Variants in LRRC41 observed in about 807,000 individuals in gnomAD.
LRRC41 encodes the protein leucine rich repeat containing 41.
Under a neutral mutation model 72.1 loss-of-function variants are expected in LRRC41, and 17 were observed. The observed-to-expected ratio is 0.24, with a 90% CI of 0.16 to 0.35. The LOEUF (loss-of-function observed/expected upper bound fraction) is 0.35, where lower values mean the gene tolerates loss of function less well. Ranked by LOEUF, LRRC41 falls within the 10% of genes least tolerant of loss-of-function variation. The pLI is 1.00. For synonymous variants in LRRC41, 427 were observed against 431.0 expected (o/e 0.99, Z 0.11); for missense variants, 759 against 1,065.0 (o/e 0.71, Z 4.00).
At position 46,278,916 on chromosome 1, in the gene LRRC41, G is replaced by A. The variant is rs1264124479; in HGVS notation, c.2388C>T (p.Ser796=). 19 of 1,613,292 alleles carry A rather than the reference G, an allele frequency of 1.2e-5. No homozygotes were observed. Among genetic ancestry groups the A allele is most frequent in the Non-Finnish European group, 1.3e-5 (15 of 1,179,946 alleles). Residue 796 remains serine (S), a synonymous_variant, in exon 10 of 10, where the codon AGC becomes AGT. Coordinates refer to ENST00000617190, the MANE Select transcript of LRRC41 (RefSeq NM_006369.5). ...RRLRATCHVV[S]DSWDSSQAFA... ...AGGCCTGGGATGAGTCCCATGAGTCGCTAACCACATGGCAGGTAGCCCGGA... is the reference window on the plus strand; with the variant it reads ...AGGCCTGGGATGAGTCCCATGAGTCACTAACCACATGGCAGGTAGCCCGGA...
intron 1 of LRRC41, 99 bp from the exon 2 acceptor site, chr1:46,298,469 G>T: frequency 1.5e-6 from 1 of 671,596 alleles, no homozygotes; most frequent in African/African-American, 1.8e-5. Context: ...AAAATGGAAG[G>T]GTAGACTTCT....
intron 3 of LRRC41, among the ~76,000 whole-genome samples, chr1:46,292,004 G>A (rs1042320570): frequency 5.3e-5 from 8 of 151,562 alleles, no homozygotes; most frequent in African/African-American, 1.2e-4. Context: ...ATGCCAACAC[G>A]CCCAGCTAAT....
intron 5 of LRRC41, 21 bp from the exon 6 acceptor site, chr1:46,280,581 A>T (rs1386394610): frequency 6.2e-7 from 1 of 1,610,796 alleles, no homozygotes; most frequent in South Asian, 1.1e-5. Context: ...TGGGGAAAGA[A>T]GATTCCAGCT....
At chr1:46,301,538 G>C (rs946973662) in intron 1 of LRRC41, among the ~76,000 whole-genome samples, 1 of 151,646 alleles carries the variant, frequency 6.6e-6, no homozygotes, top group Non-Finnish European at 1.5e-5. Context: ...CCACCACTAT[G>C]CAGGACACTC....
At position 46,278,372 on chromosome 1, in the gene LRRC41, T is replaced by C. The variant is rs2148309564; in HGVS notation, c.*493A>G. Reference sequence around the variant, plus strand: ...CAGGGCCCTGTTGAATTTTGTTCTCTGGGAGAAAATCATCAAGAAGGGCTG... The same window carrying C: ...CAGGGCCCTGTTGAATTTTGTTCTCCGGGAGAAAATCATCAAGAAGGGCTG... On this transcript the variant is annotated 3_prime_UTR_variant, in exon 10 of 10. Transcript: ENST00000617190. 2 of 1,396,658 alleles carry C rather than the reference T, an allele frequency of 1.4e-6. No homozygotes were observed. The highest frequency in any genetic ancestry group is 2.0e-6 in the Non-Finnish European group (2 of 1,009,046). 86.5% of individuals were successfully genotyped at this position (1,396,658 alleles called of 1,614,324 possible).
At chr1:46,294,578 TTTTA>T (rs1359151101) in intron 3 of LRRC41, among the ~76,000 whole-genome samples, 70 of 151,210 alleles carry the variant, frequency 4.6e-4, no homozygotes, top group Admixed American at 1.2e-3. Flanking sequence ...TGCCTTTACT[TTTTA>T]CAACTAATTC....
At chr1:46,295,190 T>C (rs752878766) in intron 3 of LRRC41, among the ~76,000 whole-genome samples, 1 of 151,946 alleles carries the variant, frequency 6.6e-6, no homozygotes, top group African/African-American at 2.4e-5. Flanking sequence ...CTCCCGAGTA[T>C]CTGGGACTAC....
chr1:46,297,481 A>G (rs911381751), intron 3 of LRRC41, 82 bp downstream of exon 3: 6 of 1,101,706 alleles, frequency 5.4e-6, no homozygotes, highest in Non-Finnish European at 8.3e-6. Flanking sequence ...GCACTTTATC[A>G]GTACCCAGCT....
At chr1:46,299,742 T>C (rs900557892) in intron 1 of LRRC41, 10 of 151,902 alleles carry the variant, frequency 6.6e-5, no homozygotes, top group African/African-American at 2.2e-4. Flanking sequence ...CCAGGTGTAA[T>C]GATGCACGCC....
intron 3 of LRRC41, among the ~76,000 whole-genome samples, chr1:46,296,390 GTGGA>G (rs1661127212): frequency 6.6e-6 from 1 of 152,166 alleles, no homozygotes; most frequent in Non-Finnish European, 1.5e-5. Context: ...GCACTCCGGC[GTGGA>G]CAACAAGGGC....
chr1:46,280,344 G>C, intron 6 of LRRC41, 52 bp downstream of exon 6: 2 of 1,612,066 alleles, frequency 1.2e-6, no homozygotes, highest in Non-Finnish European at 1.7e-6. Flanking sequence ...CTAGAGAACA[G>C]TGCTAGGTCC....
rs1163067700 is a variant in LRRC41 at position 46,297,279 on chromosome 1, G to GACCACTGCACCAAC, written c.357+270_357+283dup. ...TATTAAATTTCATTTTGTTAGATTT[G>GACCACTGCACCAAC]ACCACTGCACCAACACCATCAAGAA... On this transcript the variant is annotated intron_variant, in intron 3 of 9. Transcript: ENST00000617190. The GACCACTGCACCAAC allele has an allele frequency of 1.9e-5, 6 of 313,250 alleles. No individual in the cohort carries two copies. The East Asian group carries it at 2.9e-4, about 15-fold the overall frequency. The allele number at this position is 313,250 out of a possible 1,614,324, so 19.4% of individuals were successfully genotyped here. A position where few individuals can be genotyped will look rare whatever the true frequency, so the allele number is the denominator to read the frequency against.
In LRRC41 at chr1:46,278,089, G is replaced by T. The variant is rs769509652; in HGVS notation, c.*776C>A. 6.2e-7 allele frequency: 1 copy of T among 1,614,098 alleles called. No individual in the cohort carries two copies. The highest frequency in any genetic ancestry group is 8.5e-7 in the Non-Finnish European group (1 of 1,179,982). On this transcript the variant is annotated 3_prime_UTR_variant, in exon 10 of 10. Coordinates refer to ENST00000617190, the MANE Select transcript of LRRC41 (RefSeq NM_006369.5). ...GTCCCTAGGTTGCACTGCCGACGTT[G>T]TGTCAACAGCCGTCAGATCCGGCCA... is the stretch of plus-strand genomic sequence containing the variant.
At position 46,277,632 on chromosome 1, in the gene LRRC41, TTCTCAGGAGACAGACTGG is replaced by T. The variant is rs1660651130; in HGVS notation, c.*1215_*1232del. 33 of 694,140 alleles carry T rather than the reference TTCTCAGGAGACAGACTGG, an allele frequency of 4.8e-5. No individual in the cohort carries two copies. In the East Asian group the frequency reaches 8.5e-4, roughly 18 times the overall value. The allele number at this position is 694,140 out of a possible 1,614,324, so 43.0% of individuals were successfully genotyped here. ...GGGTGGGCAGACTATTCATGTCATGTTCTCAGGAGACAGACTGGGAAAATGGACCTCAGCTGAGTAGAG... is the reference window on the plus strand; with the variant it reads ...GGGTGGGCAGACTATTCATGTCATGTGAAAATGGACCTCAGCTGAGTAGAG... On this transcript the variant is annotated 3_prime_UTR_variant, in exon 10 of 10. Coordinates refer to ENST00000617190, the MANE Select transcript of LRRC41 (RefSeq NM_006369.5).
intron 4 of LRRC41, among the ~76,000 whole-genome samples, chr1:46,284,669 CAT>C (rs1032147548): frequency 2.0e-5 from 3 of 151,942 alleles, no homozygotes; most frequent in Non-Finnish European, 4.4e-5. Context: ...TAAAGAAACT[CAT>C]GTGTGATGGC....
intron 3 of LRRC41, among the ~76,000 whole-genome samples, chr1:46,292,107 AG>A (rs1269265519): frequency 6.6e-6 from 1 of 151,788 alleles, no homozygotes; most frequent in South Asian, 2.1e-4. Flanking sequence ...TGATGTCAGG[AG>A]TTCGAGACCA....
chr1:46,292,171 G>A (rs1200302701), intron 3 of LRRC41, among the ~76,000 whole-genome samples: 2 of 151,708 alleles, frequency 1.3e-5, no homozygotes, highest in Non-Finnish European at 1.5e-5. Flanking sequence ...AAAAGTAGCC[G>A]AGCTGATGGG....
Position 46,302,693 on chromosome 1 carries a change from T to TGGCCTTGCCTTAGGCCG in LRRC41, c.199+414_199+430dup, listed in dbSNP as rs1248518007. The TGGCCTTGCCTTAGGCCG allele has an allele frequency of 1.0e-6, 1 of 985,088 alleles. No homozygotes were observed. The highest frequency in any genetic ancestry group is 1.2e-6 in the Non-Finnish European group (1 of 829,864). 61.0% of individuals were successfully genotyped at this position (985,088 alleles called of 1,614,324 possible). ...AGGTTCGGTGGCCCCGGGCCTGGCC[T>TGGCCTTGCCTTAGGCCG]GGCCTTGCCTTAGGCCGGGCCTCCT... On this transcript the variant is annotated intron_variant, in intron 1 of 9. Transcript: ENST00000617190. This position sits in a 1 kb window ranked among gnomAD's most constrained non-coding sequence, Gnocchi z 4.7.
intron 3 of LRRC41, among the ~76,000 whole-genome samples, chr1:46,292,919 C>T (rs1026535119): frequency 2.0e-5 from 3 of 152,300 alleles, no homozygotes; most frequent in Admixed American, 2.0e-4. Flanking sequence ...GGCACGGTGG[C>T]TCACGCCTAT....
Sources: gnomAD v4.1 joint callset for allele counts (sites outside exome capture counted in the v4.1 genomes callset) on GRCh38, gnomAD v4.1.1 for gene constraint, Gnocchi (gnomAD v3.1) non-coding constraint, MANE v1.5 for transcripts, NCBI Gene and HGNC (gene_info 2026-07-23, HGNC 2026-07-21) for gene names.